The following MNAT1 variants were observed in gnomAD, a reference collection of about 807,000 sequenced individuals.
MNAT1 encodes the protein MNAT1 component of CDK activating kinase.
MNAT1 carries 43 observed loss-of-function variants against 42.0 expected under a neutral mutation model. That is an observed-to-expected ratio of 1.02 (90% CI 0.80 to 1.32). The LOEUF (loss-of-function observed/expected upper bound fraction) is 1.32. MNAT1 is among the 40% of genes most tolerant of loss of function. MNAT1 has a pLI of 0.00. For missense variants in MNAT1, 306 were observed against 350.4 expected, an observed-to-expected ratio of 0.87 and a Z score of 1.01; for synonymous variants, 118 against 120.0, an observed-to-expected ratio of 0.98 and a Z score of 0.11.
chr14:60,790,624 C>T (rs536970258), intron 1 of MNAT1, among the ~76,000 whole-genome samples: 2 of 152,240 alleles, frequency 1.3e-5, no homozygotes, highest in African/African-American at 4.8e-5. Context: ...CTGTACTCGA[C>T]CACTTTGGGA....
At chr14:60,955,383 C>T (rs1393526972) in intron 7 of MNAT1, among the ~76,000 whole-genome samples, 1 of 151,968 alleles carries the variant, frequency 6.6e-6, no homozygotes, top group African/African-American at 2.4e-5. Flanking sequence ...AGATTCAGGC[C>T]AGGTGTGGTG....
At chr14:60,953,963 T>A (rs894975609) in intron 7 of MNAT1, among the ~76,000 whole-genome samples, 8 of 152,194 alleles carry the variant, frequency 5.3e-5, no homozygotes, top group Admixed American at 6.6e-5. Context: ...GCCCATTTTT[T>A]AATCAGGTTA....
chr14:60,828,303 G>C (rs117023650), intron 6 of MNAT1, among the ~76,000 whole-genome samples: 1,798 of 152,178 alleles, frequency 0.012, 20 homozygotes, highest in Middle Eastern at 0.051. Flanking sequence ...CAGGATGCCT[G>C]GCTCGTTGTA....
chr14:60,817,329 A>G (rs1267703395), intron 5 of MNAT1, among the ~76,000 whole-genome samples: 3 of 151,804 alleles, frequency 2.0e-5, no homozygotes, highest in African/African-American at 7.2e-5. Context: ...TAGAATATAA[A>G]AGGTATTCTA....
intron 7 of MNAT1, among the ~76,000 whole-genome samples, chr14:60,918,905 A>G (rs952237448): frequency 6.6e-5 from 10 of 151,960 alleles, no homozygotes; most frequent in Non-Finnish European, 2.9e-5. Context: ...TGCACAATAT[A>G]TTGGTAACTC....
intron 6 of MNAT1, among the ~76,000 whole-genome samples, chr14:60,850,905 C>A (rs993658000): frequency 3.3e-5 from 5 of 152,140 alleles, no homozygotes; most frequent in African/African-American, 1.2e-4. Flanking sequence ...GGAAAATGAT[C>A]TGTTTTAAGC....
intron 5 of MNAT1, among the ~76,000 whole-genome samples, chr14:60,817,883 T>C (rs1013885832): frequency 6.6e-6 from 1 of 151,914 alleles, no homozygotes; most frequent in Non-Finnish European, 1.5e-5. Flanking sequence ...TCTCTGCTTG[T>C]GTGTTTGTGT....
chr14:60,868,529 TG>T (rs769956792), intron 6 of MNAT1, among the ~76,000 whole-genome samples: 1 of 152,130 alleles, frequency 6.6e-6, no homozygotes, highest in Non-Finnish European at 1.5e-5. Flanking sequence ...TCTTTTTTGT[TG>T]TTGTTGTAAT....
intron 7 of MNAT1, among the ~76,000 whole-genome samples, chr14:60,904,940 G>A (rs1175776966): frequency 4.4e-5 from 6 of 136,142 alleles, no homozygotes; most frequent in Admixed American, 2.3e-4. Context: ...GTATAGCTCA[G>A]GTTAACTGAG....
intron 6 of MNAT1, among the ~76,000 whole-genome samples, chr14:60,829,989 A>T (rs1210210712): frequency 6.6e-6 from 1 of 152,174 alleles, no homozygotes. Flanking sequence ...TTTTACAAGA[A>T]TTAGAATTAG....
chr14:60,920,455 C>T (rs868397655), intron 7 of MNAT1, among the ~76,000 whole-genome samples: 21 of 151,992 alleles, frequency 1.4e-4, no homozygotes, highest in Middle Eastern at 3.4e-3. Flanking sequence ...AGTCTCGCTC[C>T]GTCGCCCAGG....
At chr14:60,854,715 C>G (rs1343368521) in intron 6 of MNAT1, among the ~76,000 whole-genome samples, 1 of 152,184 alleles carries the variant, frequency 6.6e-6, no homozygotes, top group Non-Finnish European at 1.5e-5. Flanking sequence ...AGCCTGAGCT[C>G]TCCTGTATGA....
chr14:60,871,431 T>A (rs2034321227), intron 6 of MNAT1, among the ~76,000 whole-genome samples: 1 of 152,198 alleles, frequency 6.6e-6, no homozygotes, highest in Admixed American at 6.5e-5. Flanking sequence ...TCCAGTTTCT[T>A]CACCTCTGCA....
At chr14:60,797,942 T>A (rs546292000) in intron 2 of MNAT1, 145 bp from the exon 3 acceptor site, 59 of 457,380 alleles carry the variant, frequency 1.3e-4, no homozygotes, top group East Asian at 6.9e-4. Flanking sequence ...AAAATAAAAA[T>A]AAAAAAATAG....
intron 7 of MNAT1, among the ~76,000 whole-genome samples, chr14:60,937,417 A>G (rs1263022131): frequency 1.3e-5 from 2 of 152,198 alleles, no homozygotes; most frequent in African/African-American, 4.8e-5. Flanking sequence ...GGTGTAAGGA[A>G]GGGATCCAGT....
intron 7 of MNAT1, among the ~76,000 whole-genome samples, chr14:60,897,782 A>G (rs1203205103): frequency 6.6e-6 from 1 of 152,178 alleles, no homozygotes; most frequent in Admixed American, 6.5e-5. Flanking sequence ...TTAGAAATAT[A>G]TAACATATTG....
At chr14:60,813,956 A>G (rs1299022702) in intron 5 of MNAT1, among the ~76,000 whole-genome samples, 1 of 152,102 alleles carries the variant, frequency 6.6e-6, no homozygotes, top group African/African-American at 2.4e-5. Context: ...TTTTAAAAAG[A>G]TTTTTGTTTA....
In MNAT1 at chr14:60,968,921, T is replaced by C. The variant is rs962876688; in HGVS notation, c.*572T>C. The C allele has an allele frequency of 1.8e-5, 3 of 168,574 alleles. No homozygotes were observed. The highest frequency in any genetic ancestry group is 7.2e-5 in the African/African-American group (3 of 41,542). 10.4% of individuals were successfully genotyped at this position (168,574 alleles called of 1,614,324 possible). A position where few individuals can be genotyped will look rare whatever the true frequency, so the allele number is the denominator to read the frequency against. ...CCCTCAATACTAAGGACTCAATGCC[T>C]GTTTTAAGCAGTGGAAAATGAGGCA... On this transcript the variant is annotated 3_prime_UTR_variant, in exon 8 of 8. Coordinates refer to ENST00000261245, the MANE Select transcript of MNAT1 (RefSeq NM_002431.4).
intron 7 of MNAT1, among the ~76,000 whole-genome samples, chr14:60,892,591 C>T (rs1363233242): frequency 2.0e-5 from 3 of 152,040 alleles, no homozygotes; most frequent in Non-Finnish European, 4.4e-5. Context: ...AATTAAGCCA[C>T]ATTTAAAGTT....
Sources: allele counts gnomAD v4.1 joint callset (sites outside exome capture counted in the v4.1 genomes callset), GRCh38; gene constraint gnomAD v4.1.1; transcripts MANE v1.5; gene names NCBI Gene and HGNC (gene_info 2026-07-23, HGNC 2026-07-21).